CLASP2: variants seen among roughly 807,000 people sequenced by gnomAD.
CLASP2 encodes cytoplasmic linker associated protein 2.
CLASP2 carries 47 observed loss-of-function variants against 194.4 expected under a neutral mutation model. The observed-to-expected ratio is 0.24, with a 90% CI of 0.19 to 0.31. The LOEUF (loss-of-function observed/expected upper bound fraction) is 0.31. Ranked by LOEUF, CLASP2 falls within the 10% of genes least tolerant of loss-of-function variation. The pLI is 1.00. For missense variants in CLASP2, 1,445 were observed against 1,823.6 expected, an observed-to-expected ratio of 0.79 and a Z score of 3.78; for synonymous variants, 619 against 633.5, an observed-to-expected ratio of 0.98 and a Z score of 0.34.
At chr3:33,662,665 C>A (rs1370976621) in intron 7 of CLASP2, among the ~76,000 whole-genome samples, 1 of 152,100 alleles carries the variant, frequency 6.6e-6, no homozygotes, top group Non-Finnish European at 1.5e-5. Context: ...AATTCACACA[C>A]CAAATTTTTA....
intron 6 of CLASP2, among the ~76,000 whole-genome samples, chr3:33,681,395 C>A (rs989553742): frequency 6.6e-6 from 1 of 151,950 alleles, no homozygotes; most frequent in Non-Finnish European, 1.5e-5. Context: ...GAGAGACAAT[C>A]AAATATAATG....
At chr3:33,557,409 G>A (rs1422539912) in intron 29 of CLASP2, among the ~76,000 whole-genome samples, 2 of 149,872 alleles carry the variant, frequency 1.3e-5, no homozygotes, top group African/African-American at 4.9e-5. Flanking sequence ...CTTAAAAAAA[G>A]AGGCTCCCAG....
At chr3:33,586,145 T>C (rs1054305114) in intron 21 of CLASP2, among the ~76,000 whole-genome samples, 37 of 151,570 alleles carry the variant, frequency 2.4e-4, no homozygotes, top group Admixed American at 5.9e-4. Flanking sequence ...TTTTCTTTTT[T>C]CCCCCCCGAG....
chr3:33,607,930 A>G (rs1458951424), intron 14 of CLASP2, among the ~76,000 whole-genome samples: 3 of 152,206 alleles, frequency 2.0e-5, no homozygotes, highest in East Asian at 1.9e-4. Context: ...AACAAATTCT[A>G]TTTTTTAAAA....
chr3:33,683,931 C>CA (rs35349805), intron 6 of CLASP2, among the ~76,000 whole-genome samples: 2,925 of 78,592 alleles, frequency 0.037, 89 homozygotes, highest in African/African-American at 0.072. Context: ...GACTCTGTCT[C>CA]AAAAAAAAAA....
intron 8 of CLASP2, among the ~76,000 whole-genome samples, chr3:33,636,618 T>C (rs767379674): frequency 6.6e-6 from 1 of 152,222 alleles, no homozygotes; most frequent in Non-Finnish European, 1.5e-5. Flanking sequence ...TGTTTATTTA[T>C]TGCGACAGAG....
At chr3:33,545,208 A>T (rs9883837) in intron 30 of CLASP2, 10,771 of 155,466 alleles carry the variant, frequency 0.069, 768 homozygotes, top group African/African-American at 0.19. Flanking sequence ...GCAGTTAACT[A>T]AACAACTCTA....
intron 1 of CLASP2, among the ~76,000 whole-genome samples, chr3:33,703,819 T>G (rs2092526965): frequency 6.6e-6 from 1 of 152,234 alleles, no homozygotes; most frequent in South Asian, 2.1e-4. Flanking sequence ...TATTCACAGT[T>G]GGCAAACTTG....
chr3:33,586,143 T>A (rs767599434), intron 21 of CLASP2, among the ~76,000 whole-genome samples: 2 of 151,916 alleles, frequency 1.3e-5, no homozygotes, highest in Admixed American at 6.6e-5. Context: ...TCTTTTCTTT[T>A]TTCCCCCCCG....
intron 29 of CLASP2, among the ~76,000 whole-genome samples, chr3:33,557,831 G>A (rs1293062468): frequency 6.6e-6 from 1 of 152,182 alleles, no homozygotes; most frequent in Non-Finnish European, 1.5e-5. Context: ...AGTTGTGAAA[G>A]GAAAATAAAA....
At chr3:33,634,571 T>G (rs1050976778) in intron 8 of CLASP2, among the ~76,000 whole-genome samples, 1 of 152,168 alleles carries the variant, frequency 6.6e-6, no homozygotes, top group Non-Finnish European at 1.5e-5. Flanking sequence ...ACGAAGGATA[T>G]AGAATTTCAG....
chr3:33,590,990 G>A (rs2068649805), intron 21 of CLASP2, among the ~76,000 whole-genome samples: 1 of 151,168 alleles, frequency 6.6e-6, no homozygotes, highest in South Asian at 2.1e-4. Flanking sequence ...AGACCAGCCT[G>A]GGCAACACAG....
chr3:33,596,669 T>C (rs1167181556), intron 19 of CLASP2, 42 bp downstream of exon 19: 1 of 1,407,698 alleles, frequency 7.1e-7, no homozygotes, highest in East Asian at 2.4e-5. Flanking sequence ...GAATCCAGGT[T>C]CCATAAAAAT....
At chr3:33,614,943 A>G (rs898653249) in intron 12 of CLASP2, among the ~76,000 whole-genome samples, 5 of 152,130 alleles carry the variant, frequency 3.3e-5, no homozygotes, top group African/African-American at 1.2e-4. Flanking sequence ...GTGGGTGGAG[A>G]TGGTGCCACT....
intron 4 of CLASP2, 22 bp from the exon 5 acceptor site, chr3:33,687,157 A>C: frequency 6.8e-7 from 1 of 1,481,152 alleles, no homozygotes; most frequent in Non-Finnish European, 9.2e-7. Flanking sequence ...TTGAGAAAAA[A>C]ATAAAGAAAA....
intron 1 of CLASP2, among the ~76,000 whole-genome samples, chr3:33,716,115 T>G (rs1434211040): frequency 6.6e-6 from 1 of 152,190 alleles, no homozygotes; most frequent in Non-Finnish European, 1.5e-5. Flanking sequence ...GCAATTTATC[T>G]ATTCTAACAA....
At chr3:33,530,102 G>A (rs952153271) in intron 34 of CLASP2, among the ~76,000 whole-genome samples, 1 of 151,202 alleles carries the variant, frequency 6.6e-6, no homozygotes, top group African/African-American at 2.4e-5. Flanking sequence ...CCCGAATGAG[G>A]CTGTTTTACA....
chr3:33,552,666 A>C (rs2060226420), intron 29 of CLASP2, among the ~76,000 whole-genome samples: 1 of 152,214 alleles, frequency 6.6e-6, no homozygotes, highest in Admixed American at 6.5e-5. Flanking sequence ...ATAGTCAAGC[A>C]AATCAATGAA....
chr3:33,522,625 AC>A (rs574924179), intron 34 of CLASP2, among the ~76,000 whole-genome samples: 62 of 152,342 alleles, frequency 4.1e-4, no homozygotes, highest in African/African-American at 1.5e-3. Context: ...ATTTTAAAAT[AC>A]CTGTCTTAAA....
Sources: allele counts gnomAD v4.1 joint callset (sites outside exome capture counted in the v4.1 genomes callset), GRCh38; gene constraint gnomAD v4.1.1; transcripts MANE v1.5; gene names NCBI Gene and HGNC (gene_info 2026-07-23, HGNC 2026-07-21).